The following RPTOR variants were observed in gnomAD, a reference collection of about 807,000 sequenced individuals.
The protein encoded by RPTOR is regulatory associated protein of MTOR complex 1.
Under a neutral mutation model 169.9 loss-of-function variants are expected in RPTOR, and 21 were observed. That is an observed-to-expected ratio of 0.12 (90% CI 0.09 to 0.18). The LOEUF (loss-of-function observed/expected upper bound fraction) is 0.18, where lower values mean the gene tolerates loss of function less well. RPTOR is among the 10% of genes least tolerant of loss of function. RPTOR has a pLI of 1.00. For missense variants in RPTOR, 1,133 were observed against 1,855.9 expected, an observed-to-expected ratio of 0.61 and a Z score of 7.16; for synonymous variants, 732 against 753.2, an observed-to-expected ratio of 0.97 and a Z score of 0.46.
In RPTOR at chr17:80,895,625, C is replaced by T. The variant is rs889792533; in HGVS notation, c.2401+1760C>T. The stretch of plus-strand genomic sequence containing the variant: ...AGCGTGGATACACGTGAGTGCCTCT[C>T]GCCACCTTGCCTCAGAGTGAAGCTG... On this transcript the variant is annotated intron_variant, in intron 20 of 33. Coordinates refer to ENST00000306801, the MANE Select transcript of RPTOR (RefSeq NM_020761.3). Among the ~76,000 whole-genome samples the T allele has an allele frequency of 2.0e-5, 3 of 152,256 alleles. No homozygotes were observed. In the East Asian group the frequency reaches 5.8e-4, roughly 29 times the overall value.
rs2065252632 is a variant in RPTOR, at chr17:80,609,253, C to T, written c.163-16438C>T. Among the ~76,000 whole-genome samples, 1 of 152,198 alleles carries T rather than the reference C, an allele frequency of 6.6e-6. No individual in the cohort carries two copies. Among genetic ancestry groups the T allele is most frequent in the South Asian group, 2.1e-4 (1 of 4,826 alleles). On this transcript the variant is annotated intron_variant, in intron 1 of 33. Coordinates refer to ENST00000306801, the MANE Select transcript of RPTOR (RefSeq NM_020761.3). The surrounding 1 kb of genome is among the most constrained non-coding windows in gnomAD (Gnocchi z 4.8). ...ACAGAATTCTGCACTGTGAGCAGCG[C>T]AGGTCGGAAGAGGCATTTGGAAATG...
At chr17:80,691,973 A>G (rs2065995908) in intron 3 of RPTOR, among the ~76,000 whole-genome samples, 1 of 152,194 alleles carries the variant, frequency 6.6e-6, no homozygotes, top group African/African-American at 2.4e-5. Flanking sequence ...ATCCTGCACC[A>G]CACCTGGCAG....
chr17:80,750,868 A>G (rs1044580018), intron 5 of RPTOR, among the ~76,000 whole-genome samples: 4 of 152,176 alleles, frequency 2.6e-5, no homozygotes, highest in Admixed American at 6.5e-5. Flanking sequence ...CGAACTGTAC[A>G]TTTGAAACAG....
intron 13 of RPTOR, among the ~76,000 whole-genome samples, chr17:80,863,514 G>T (rs548542558): frequency 6.6e-6 from 1 of 152,138 alleles, no homozygotes; most frequent in South Asian, 2.1e-4. Flanking sequence ...ATTGAGACAC[G>T]GAGAATATAA....
At chr17:80,897,622 G>A (rs2068423108) in intron 20 of RPTOR, among the ~76,000 whole-genome samples, 1 of 152,206 alleles carries the variant, frequency 6.6e-6, no homozygotes, top group African/African-American at 2.4e-5. Context: ...GCTGCCTTAC[G>A]CTCACCAGCT....
intron 9 of RPTOR, among the ~76,000 whole-genome samples, chr17:80,829,125 T>C (rs572727433): frequency 6.6e-6 from 1 of 152,356 alleles, no homozygotes; most frequent in South Asian, 2.1e-4. Context: ...TTTCTAAGCC[T>C]TCGAAGCACT....
intron 2 of RPTOR, among the ~76,000 whole-genome samples, chr17:80,638,492 C>G (rs1567833519): frequency 6.7e-6 from 1 of 149,160 alleles, no homozygotes; most frequent in African/African-American, 2.5e-5. Context: ...GCCTCTACCT[C>G]CTGGACTCAA....
At chr17:80,830,963 T>G (rs1347973537) in intron 9 of RPTOR, among the ~76,000 whole-genome samples, 1 of 152,122 alleles carries the variant, frequency 6.6e-6, no homozygotes, top group Admixed American at 6.5e-5. Flanking sequence ...CAGGCTGGTC[T>G]TGAACTCCTG....
chr17:80,617,870 C>T (rs1216469981), intron 1 of RPTOR, among the ~76,000 whole-genome samples: 1 of 152,172 alleles, frequency 6.6e-6, no homozygotes, highest in Non-Finnish European at 1.5e-5. Flanking sequence ...GGCATAGTCG[C>T]ATGGCTTCAC....
In RPTOR at chr17:80,730,750, G is replaced by GTTTT; in HGVS notation, c.654+45_654+48dup. 2.2e-5 allele frequency: 12 copies of GTTTT among 550,758 alleles called. No individual in the cohort carries two copies. The highest frequency in any genetic ancestry group is 1.7e-4 in the East Asian group (3 of 17,564). The allele number at this position is 550,758 out of a possible 1,614,324, so 34.1% of individuals were successfully genotyped here. Reference sequence around the variant, plus strand: ...GGAGAGCGGTGCTGGGTTTGGTTTTGTTTTCCCTGGGGGTGGGGTTTGGGT... The same window carrying GTTTT: ...GGAGAGCGGTGCTGGGTTTGGTTTTGTTTTTTTTCCCTGGGGGTGGGGTTTGGGT... On this transcript the variant is annotated intron_variant, in intron 5 of 33. Transcript: ENST00000306801. This position sits in a 1 kb window ranked among gnomAD's most constrained non-coding sequence, Gnocchi z 4.2.
chr17:80,682,109 C>T (rs34914062), intron 3 of RPTOR, among the ~76,000 whole-genome samples: 14,358 of 69,818 alleles, frequency 0.21, 935 homozygotes, highest in Middle Eastern at 0.26. Context: ...TGATTAGGTC[C>T]CCCCCCCCAC....
At position 80,927,317 on chromosome 17, in the gene RPTOR, A is replaced by G. The variant is rs574042097; in HGVS notation, c.2919+1837A>G. On this transcript the variant is annotated intron_variant, in intron 24 of 33. Coordinates refer to ENST00000306801, the MANE Select transcript of RPTOR (RefSeq NM_020761.3). ...AAGGTCAGGCGACTAAGAAACCCAC[A>G]TGGTCTGGTCTTCGCTCTTGCTGGG... Among the ~76,000 whole-genome samples, 76 of 152,266 alleles carry G rather than the reference A, an allele frequency of 5.0e-4. 1 individual carries two copies. Among genetic ancestry groups the G allele is most frequent in the African/African-American group, 1.8e-3 (74 of 41,558 alleles).
At position 80,855,656 on chromosome 17, in the gene RPTOR, G is replaced by A. The variant is rs1394341911; in HGVS notation, c.1398+109G>A. 7 of 840,768 alleles carry A rather than the reference G, an allele frequency of 8.3e-6. 1 individual carries two copies. In the East Asian group the frequency reaches 1.2e-4, roughly 15 times the overall value. 52.1% of individuals were successfully genotyped at this position (840,768 alleles called of 1,614,324 possible). ...ATGATCCAGAGCCACCCCCAGCCGTGAGACCCAGGGCGAGTGTGTCCACCG... is the reference window on the plus strand; with the variant it reads ...ATGATCCAGAGCCACCCCCAGCCGTAAGACCCAGGGCGAGTGTGTCCACCG... On this transcript the variant is annotated intron_variant, in intron 12 of 33. Coordinates refer to ENST00000306801, the MANE Select transcript of RPTOR (RefSeq NM_020761.3).
chr17:80,946,837 G>C, intron 26 of RPTOR, among the ~76,000 whole-genome samples: 1 of 152,260 alleles, frequency 6.6e-6, no homozygotes, highest in East Asian at 1.9e-4. Context: ...GATACGCCCA[G>C]AGTGGAATTG....
intron 13 of RPTOR, among the ~76,000 whole-genome samples, chr17:80,871,185 A>T (rs567602538): frequency 5.9e-5 from 9 of 151,436 alleles, no homozygotes; most frequent in African/African-American, 2.2e-4. Context: ...GGCTCACTGC[A>T]ACCTCTGCCT....
chr17:80,634,842 C>CGT (rs1426528780), intron 2 of RPTOR, among the ~76,000 whole-genome samples: 1 of 67,812 alleles, frequency 1.5e-5, no homozygotes, highest in South Asian at 5.5e-4. Flanking sequence ...GTGTGCATAC[C>CGT]GTGTGTGTGC....
At chr17:80,810,197 T>G (rs1263504670) in intron 7 of RPTOR, among the ~76,000 whole-genome samples, 1 of 152,104 alleles carries the variant, frequency 6.6e-6, no homozygotes, top group Non-Finnish European at 1.5e-5. Flanking sequence ...TAAGAAATCT[T>G]TGCCAACCCT....
At chr17:80,743,851 G>GTA (rs2066519672) in intron 5 of RPTOR, among the ~76,000 whole-genome samples, 2 of 120,370 alleles carry the variant, frequency 1.7e-5, no homozygotes, top group African/African-American at 6.7e-5. Context: ...CTGGTTACTA[G>GTA]CAGAGCCCTG....
intron 6 of RPTOR, among the ~76,000 whole-genome samples, chr17:80,764,749 A>G (rs1436888712): frequency 6.6e-6 from 1 of 152,128 alleles, no homozygotes; most frequent in African/African-American, 2.4e-5. Flanking sequence ...TGACTTCCAC[A>G]ATGGTTGAAC....
Sources: allele counts gnomAD v4.1 joint callset (sites outside exome capture counted in the v4.1 genomes callset), GRCh38; gene constraint gnomAD v4.1.1; non-coding constraint Gnocchi (gnomAD v3.1); transcripts MANE v1.5; gene names NCBI Gene and HGNC (gene_info 2026-07-23, HGNC 2026-07-21).